The following SLIT3 variants were observed in gnomAD, a reference collection of about 807,000 sequenced individuals.
SLIT3 encodes the protein slit guidance ligand 3.
Under a neutral mutation model 184.0 loss-of-function variants are expected in SLIT3, and 68 were observed. The observed-to-expected ratio is 0.37, with a 90% CI of 0.30 to 0.45. The LOEUF (loss-of-function observed/expected upper bound fraction) is 0.45, where lower values mean the gene tolerates loss of function less well. Among genes scored for constraint, SLIT3 ranks in the 20% least tolerant of loss-of-function variants. The pLI is 1.00. For synonymous variants in SLIT3, 831 were observed against 828.6 expected (o/e 1.00, Z -0.05); for missense variants, 1,707 against 2,026.0 (o/e 0.84, Z 3.02).
At chr5:168,932,260 T>G (rs1376701937) in intron 4 of SLIT3, among the ~76,000 whole-genome samples, 1 of 132,308 alleles carries the variant, frequency 7.6e-6, no homozygotes, top group Non-Finnish European at 1.6e-5. Context: ...GTTGTTGTGT[T>G]TTTTTTTTTT....
At chr5:168,714,001 T>C (rs933779452) in intron 23 of SLIT3, among the ~76,000 whole-genome samples, 3 of 152,218 alleles carry the variant, frequency 2.0e-5, no homozygotes, top group African/African-American at 7.2e-5. Flanking sequence ...TCCATTGATA[T>C]CCTCATCACC....
At chr5:168,743,680 CAT>C (rs1378586999) in intron 20 of SLIT3, among the ~76,000 whole-genome samples, 2 of 152,216 alleles carry the variant, frequency 1.3e-5, no homozygotes, top group Admixed American at 1.3e-4. Context: ...GTGAGGAAGA[CAT>C]ATCAAAAACG....
intron 5 of SLIT3, among the ~76,000 whole-genome samples, chr5:168,870,220 A>T (rs1759463735): frequency 6.6e-6 from 1 of 152,274 alleles, no homozygotes; most frequent in Admixed American, 6.5e-5. Flanking sequence ...CGATGTCTTC[A>T]CATGAGTCTC....
chr5:168,972,494 T>C (rs970432586), intron 4 of SLIT3, among the ~76,000 whole-genome samples: 2 of 152,116 alleles, frequency 1.3e-5, no homozygotes. Context: ...ACTCCCTAGA[T>C]CTTATGCTTG....
chr5:168,762,543 C>T lies in SLIT3; in HGVS notation c.1606G>A (p.Asp536Asn), dbSNP rs1372359189. 8.1e-6 allele frequency: 13 copies of T among 1,612,990 alleles called. No individual in the cohort carries two copies. The Admixed American group carries it at 8.3e-5, about 10-fold the overall frequency. ...IPSHLPEYVTDLRLNDNEVSV... is the reference protein window; with the variant it reads ...IPSHLPEYVTNLRLNDNEVSV... ...TCACGCCGAGGTTGGACTTACAGGT[C>T]GGTGACATATTCAGGGAGGTGGCTT... The change falls in exon 15 of 36, where the codon GAC becomes AAC. Residue 536 changes from aspartate to asparagine, a missense_variant. Coordinates refer to ENST00000519560, the MANE Select transcript of SLIT3 (RefSeq NM_003062.4).
rs10073272 is a variant in SLIT3 at position 169,207,172 on chromosome 5, C to T, written c.342-13622G>A. On this transcript the variant is annotated intron_variant, in intron 3 of 35. Transcript: ENST00000519560. ...TCACCTCGCTCACTCCCACCTCAGG[C>T]GAGCAGTTCCACATCCCAACCACAG... is the stretch of plus-strand genomic sequence containing the variant. 3.2e-3 allele frequency among the ~76,000 whole-genome samples: 482 copies of T among 151,996 alleles called. 2 individuals are homozygous for T. Among genetic ancestry groups the T allele is most frequent in the Middle Eastern group, 0.01 (3 of 294 alleles).
At chr5:168,902,622 T>A (rs1760908267) in intron 4 of SLIT3, among the ~76,000 whole-genome samples, 1 of 152,186 alleles carries the variant, frequency 6.6e-6, no homozygotes. Context: ...TTGTTAGAAA[T>A]GGGAAATGCT....
chr5:169,286,713 G>A (rs982429782), intron 1 of SLIT3, among the ~76,000 whole-genome samples: 2 of 152,036 alleles, frequency 1.3e-5, no homozygotes, highest in Admixed American at 6.6e-5. Context: ...CGCCTCCCTC[G>A]GCCCTCCTCT....
chr5:168,930,220 GC>G (rs1282929649), intron 4 of SLIT3, among the ~76,000 whole-genome samples: 4 of 152,160 alleles, frequency 2.6e-5, no homozygotes, highest in Admixed American at 1.3e-4. Context: ...ACACCCCATG[GC>G]CCGCATTTTT....
At chr5:169,283,878 C>G (rs1306653882) in intron 1 of SLIT3, among the ~76,000 whole-genome samples, 1 of 152,104 alleles carries the variant, frequency 6.6e-6, no homozygotes, top group African/African-American at 2.4e-5. Context: ...TATTTAGACT[C>G]TTAAAAAACA....
At chr5:169,079,283 C>T (rs547768323) in intron 4 of SLIT3, among the ~76,000 whole-genome samples, 1 of 152,272 alleles carries the variant, frequency 6.6e-6, no homozygotes, top group Admixed American at 6.5e-5. Flanking sequence ...TTGTTCCACA[C>T]CTGCCTGCTT....
chr5:169,167,571 C>T (rs139052699), intron 4 of SLIT3, among the ~76,000 whole-genome samples: 9 of 152,172 alleles, frequency 5.9e-5, no homozygotes, highest in African/African-American at 1.7e-4. Flanking sequence ...CCACCGCGCC[C>T]GGCCTCTAAG....
chr5:169,263,293 T>G (rs1286035676), intron 1 of SLIT3, among the ~76,000 whole-genome samples: 1 of 152,110 alleles, frequency 6.6e-6, no homozygotes. Flanking sequence ...CAGTGAGCTA[T>G]GATTGCACTG....
At chr5:168,831,275 T>C (rs543875166) in intron 6 of SLIT3, among the ~76,000 whole-genome samples, 6 of 147,074 alleles carry the variant, frequency 4.1e-5, no homozygotes, top group Admixed American at 1.4e-4. Context: ...TCCAAGGGCA[T>C]ATGAGGCGGG....
At chr5:169,084,289 CTTTT>C (rs537953841) in intron 4 of SLIT3, among the ~76,000 whole-genome samples, 4 of 140,310 alleles carry the variant, frequency 2.9e-5, no homozygotes, top group East Asian at 2.1e-4. Flanking sequence ...TTTTTCTTTT[CTTTT>C]TTTTTTTTTT....
At chr5:168,757,147 T>C (rs955158381) in intron 16 of SLIT3, among the ~76,000 whole-genome samples, 3 of 152,156 alleles carry the variant, frequency 2.0e-5, no homozygotes, top group African/African-American at 7.2e-5. Context: ...GATCACATTC[T>C]TAGAGCAGTA....
In SLIT3 at chr5:168,694,476, G is replaced by A. The variant is rs374517158; in HGVS notation, c.3083-1776C>T. Among the ~76,000 whole-genome samples the A allele has an allele frequency of 5.3e-4, 81 of 152,338 alleles. 2 individuals carry two copies. The South Asian group carries it at 0.016, about 29-fold the overall frequency. Reference sequence around the variant, plus strand: ...GTAGTCTGTATACAGTAGGTGCACAGTAAGTGTTGCCTGTTGCTAATGCAA... The same window carrying A: ...GTAGTCTGTATACAGTAGGTGCACAATAAGTGTTGCCTGTTGCTAATGCAA... On this transcript the variant is annotated intron_variant, in intron 28 of 35. Transcript: ENST00000519560.
intron 2 of SLIT3, among the ~76,000 whole-genome samples, chr5:169,245,184 C>A (rs922949424): frequency 6.6e-6 from 1 of 152,142 alleles, no homozygotes; most frequent in East Asian, 1.9e-4. Context: ...TCCCAGCTCA[C>A]CCTAGTAGAA....
At chr5:169,251,487 A>G (rs1178857183) in intron 1 of SLIT3, 28 bp from the exon 2 acceptor site, 1 of 1,507,546 alleles carries the variant, frequency 6.6e-7, no homozygotes, top group South Asian at 1.1e-5. Flanking sequence ...TTCAGGTCAG[A>G]TTTTTGTGGG....
Sources: gnomAD v4.1 joint callset for allele counts (sites outside exome capture counted in the v4.1 genomes callset) on GRCh38, gnomAD v4.1.1 for gene constraint, MANE v1.5 for transcripts, NCBI Gene and HGNC (gene_info 2026-07-23, HGNC 2026-07-21) for gene names.